The following ATP8A2 variants were observed in gnomAD, a reference collection of about 807,000 sequenced individuals.
The protein encoded by ATP8A2 is ATPase phospholipid transporting 8A2, also known as phospholipid-transporting ATPase IB.
In ATP8A2, 100 loss-of-function variants were observed where a neutral mutation model predicts 165.6. The ratio of observed to expected loss-of-function variants is 0.60; its 90% CI spans 0.51 to 0.71. The LOEUF (loss-of-function observed/expected upper bound fraction) is 0.71. Ranked by LOEUF, ATP8A2 falls within the 30% of genes least tolerant of loss-of-function variation. The probability of loss-of-function intolerance (pLI) is 0.00; values close to 1 mark genes in which losing one functional copy is unlikely to be tolerated. For missense variants in ATP8A2, 1,227 were observed against 1,479.5 expected (o/e 0.83, Z 2.80); for synonymous variants, 543 against 548.8 (o/e 0.99, Z 0.15).
intron 25 of ATP8A2, among the ~76,000 whole-genome samples, chr13:25,754,400 T>C (rs2044217424): frequency 6.7e-6 from 1 of 150,182 alleles, no homozygotes; most frequent in Non-Finnish European, 1.5e-5. Context: ...ACATTTCAAA[T>C]GGAAAAAAAA....
intron 2 of ATP8A2, among the ~76,000 whole-genome samples, chr13:25,475,909 T>C (rs2035982105): frequency 6.6e-6 from 1 of 152,260 alleles, no homozygotes. Context: ...TTATAGGTGC[T>C]GGATATTAGA....
intron 33 of ATP8A2, chr13:25,868,082 G>A (rs1952565960): frequency 4.4e-6 from 2 of 455,778 alleles, no homozygotes; most frequent in Admixed American, 2.4e-5. Context: ...CCCGGCCAAG[G>A]AATCCTCTCT....
chr13:25,742,707 C>A (rs1055796977), intron 25 of ATP8A2, among the ~76,000 whole-genome samples: 2 of 110,888 alleles, frequency 1.8e-5, no homozygotes, highest in Admixed American at 1.0e-4. Context: ...TATGGTAAAT[C>A]TTTTGGATCA....
chr13:25,772,561 C>A (rs889152016), intron 26 of ATP8A2, among the ~76,000 whole-genome samples: 1 of 152,020 alleles, frequency 6.6e-6, no homozygotes. Context: ...GAGCCCCGCG[C>A]CTTCCCCTCA....
Position 25,436,781 on chromosome 13 carries a change from CTT to C in ATP8A2, c.77-32183_77-32182del, listed in dbSNP as rs36121982. ...CTTGCCAACATCTGTTGTTTTATGA[CTT>C]TTTTTTTTTTTTAACAGAGTCTCAC... On this transcript the variant is annotated intron_variant, in intron 1 of 36. Transcript: ENST00000381655. Among the ~76,000 whole-genome samples the C allele has an allele frequency of 4.9e-3, 704 of 144,924 alleles. 6 individuals carry two copies. Among genetic ancestry groups the C allele is most frequent in the African/African-American group, 0.015 (589 of 39,504 alleles).
intron 2 of ATP8A2, among the ~76,000 whole-genome samples, chr13:25,479,087 C>G (rs2036081190): frequency 6.6e-6 from 1 of 152,152 alleles, no homozygotes; most frequent in Non-Finnish European, 1.5e-5. Context: ...ACCCCATGAT[C>G]TGCCCTCCTC....
chr13:25,474,662 T>G (rs1368039009), intron 2 of ATP8A2, among the ~76,000 whole-genome samples: 1 of 152,084 alleles, frequency 6.6e-6, no homozygotes, highest in Admixed American at 6.6e-5. Flanking sequence ...ATATTAATGC[T>G]GAGATCCTAA....
chr13:25,966,650 T>C (rs1955784356), intron 34 of ATP8A2, among the ~76,000 whole-genome samples: 1 of 152,202 alleles, frequency 6.6e-6, no homozygotes, highest in African/African-American at 2.4e-5. Flanking sequence ...TGAGTAACTC[T>C]TGAATATGGG....
chr13:25,670,710 A>G (rs1287094311), intron 24 of ATP8A2, among the ~76,000 whole-genome samples: 1 of 152,150 alleles, frequency 6.6e-6, no homozygotes, highest in Non-Finnish European at 1.5e-5. Flanking sequence ...TATGTCTTAG[A>G]TGATGTTCCT....
At chr13:25,506,143 C>T (rs868741617) in intron 2 of ATP8A2, among the ~76,000 whole-genome samples, 18 of 152,296 alleles carry the variant, frequency 1.2e-4, no homozygotes, top group Middle Eastern at 6.8e-3. Context: ...TTTTATATTT[C>T]TCCTAGATAA....
At chr13:25,809,607 T>C (rs1950817010) in intron 27 of ATP8A2, among the ~76,000 whole-genome samples, 1 of 152,084 alleles carries the variant, frequency 6.6e-6, no homozygotes, top group African/African-American at 2.4e-5. Flanking sequence ...CTTTTCTTCC[T>C]CTAGCTGCTT....
chr13:25,944,239 G>A (rs1481776861), intron 33 of ATP8A2, among the ~76,000 whole-genome samples: 1 of 152,234 alleles, frequency 6.6e-6, no homozygotes, highest in East Asian at 1.9e-4. Context: ...TGGGCGGGTG[G>A]CTCACGCCCA....
intron 30 of ATP8A2, among the ~76,000 whole-genome samples, chr13:25,851,706 T>C (rs1464674949): frequency 2.0e-5 from 3 of 152,160 alleles, no homozygotes; most frequent in Non-Finnish European, 4.4e-5. Flanking sequence ...GTCTTAAGGG[T>C]TCCCCTCCAT....
At chr13:25,835,729 C>G (rs1951587028) in intron 28 of ATP8A2, among the ~76,000 whole-genome samples, 3 of 152,086 alleles carry the variant, frequency 2.0e-5, no homozygotes, top group African/African-American at 7.2e-5. Context: ...AATGTGAGTA[C>G]AGGTGAAAGT....
At chr13:25,683,768 C>T (rs1473816946) in intron 24 of ATP8A2, among the ~76,000 whole-genome samples, 8 of 151,780 alleles carry the variant, frequency 5.3e-5, no homozygotes, top group Admixed American at 4.6e-4. Context: ...CCAAGTTTAG[C>T]CTACAGTGGT....
intron 1 of ATP8A2, among the ~76,000 whole-genome samples, chr13:25,417,083 T>C (rs542077615): frequency 6.6e-6 from 1 of 152,250 alleles, no homozygotes; most frequent in East Asian, 1.9e-4. Flanking sequence ...TTATCAGAAC[T>C]TTAATTATGA....
chr13:25,787,888 A>G (rs190340983), intron 27 of ATP8A2, among the ~76,000 whole-genome samples: 2 of 152,340 alleles, frequency 1.3e-5, no homozygotes, highest in South Asian at 4.1e-4. Flanking sequence ...AATAGCATTG[A>G]CAGTAATCAA....
At chr13:25,467,589 C>A (rs1408355985) in intron 1 of ATP8A2, among the ~76,000 whole-genome samples, 2 of 147,120 alleles carry the variant, frequency 1.4e-5, no homozygotes, top group Non-Finnish European at 3.0e-5. Context: ...GTCTCCTTGT[C>A]GCCCAGGCTG....
At chr13:25,531,202 TG>T (rs2038034418) in intron 4 of ATP8A2, among the ~76,000 whole-genome samples, 3 of 141,340 alleles carry the variant, frequency 2.1e-5, no homozygotes, top group Non-Finnish European at 4.5e-5. Flanking sequence ...ATGTTATATA[TG>T]ATATATGTTA....
Sources: allele counts gnomAD v4.1 joint callset (sites outside exome capture counted in the v4.1 genomes callset), GRCh38; gene constraint gnomAD v4.1.1; transcripts MANE v1.5; gene names NCBI Gene and HGNC (gene_info 2026-07-23, HGNC 2026-07-21).